Variants in VCP observed in about 807,000 individuals in gnomAD.
VCP encodes the protein transitional endoplasmic reticulum ATPase.
VCP carries 6 observed loss-of-function variants against 85.7 expected under a neutral mutation model. The ratio of observed to expected loss-of-function variants is 0.07; its 90% CI spans 0.04 to 0.14. The LOEUF is 0.14. VCP is among the 10% of genes least tolerant of loss of function. The pLI, the probability that VCP is intolerant of heterozygous loss-of-function variation, is 1.00. For missense variants in VCP, 353 were observed against 1,043.4 expected, an observed-to-expected ratio of 0.34 and a Z score of 9.12; for synonymous variants, 384 against 367.1, an observed-to-expected ratio of 1.05 and a Z score of -0.53.
At chr9:35,072,064 C>G (rs1370959263) in intron 1 of VCP, 1 of 1,270,884 alleles carries the variant, frequency 7.9e-7, no homozygotes, top group Non-Finnish European at 9.9e-7. Context: ...GGGAGCCAAT[C>G]GGGCGGGCCG....
chr9:35,064,147 T>C lies in VCP; in HGVS notation c.708+7A>G. 1 of 1,614,196 alleles carries C rather than the reference T, an allele frequency of 6.2e-7. No individual in the cohort carries two copies. The highest frequency in any genetic ancestry group is 8.5e-7 in the Non-Finnish European group (1 of 1,180,018). ...TTAGACTTGATTCCAGAGCCCAGGATGCTCACCTTCACACCAATTGCCTTA... is the reference window on the plus strand; with the variant it reads ...TTAGACTTGATTCCAGAGCCCAGGACGCTCACCTTCACACCAATTGCCTTA... On this transcript the variant is annotated splice_region_variant and intron_variant, in intron 6 of 16. Coordinates refer to ENST00000358901, the MANE Select transcript of VCP (RefSeq NM_007126.5).
In VCP at chr9:35,066,939, G is replaced by A; in HGVS notation, c.303-122C>T. ...AAAAAGAAAAGGCAGGATGGCTTTA[G>A]GCGAAGAGAGGAAGGAGAACAGGGT... On this transcript the variant is annotated intron_variant, in intron 3 of 16. Coordinates refer to ENST00000358901, the MANE Select transcript of VCP (RefSeq NM_007126.5). The A allele has an allele frequency of 4.7e-6, 7 of 1,482,062 alleles. No homozygotes were observed. In the South Asian group the frequency reaches 8.0e-5, roughly 17 times the overall value. The allele number at this position is 1,482,062 out of a possible 1,614,324, so 91.8% of individuals were successfully genotyped here. A position where few individuals can be genotyped will look rare whatever the true frequency, so the allele number is the denominator to read the frequency against.
At position 35,072,389 on chromosome 9, in the gene VCP, C is replaced by A. The variant is rs1192561980; in HGVS notation, c.-36G>T. 2.0e-6 allele frequency: 3 copies of A among 1,472,890 alleles called. No individual in the cohort carries two copies. Among genetic ancestry groups the A allele is most frequent in the Non-Finnish European group, 2.7e-6 (3 of 1,118,258 alleles). The allele number at this position is 1,472,890 out of a possible 1,614,324, so 91.2% of individuals were successfully genotyped here. On this transcript the variant is annotated 5_prime_UTR_variant, in exon 1 of 17. Transcript: ENST00000358901. ...TCTCCCGGCCGGCGGCTGTGGCGGCCCGCGGGTAACGGCTACGAGCGGTGG... is the reference window on the plus strand; with the variant it reads ...TCTCCCGGCCGGCGGCTGTGGCGGCACGCGGGTAACGGCTACGAGCGGTGG...
intron 15 of VCP, 121 bp downstream of exon 15, chr9:35,058,943 T>C (rs1828666380): frequency 2.2e-6 from 3 of 1,378,566 alleles, no homozygotes; most frequent in Admixed American, 1.7e-5. Flanking sequence ...TGATGCCCTA[T>C]TAAAATTCTT....
At chr9:35,064,079 C>A in intron 6 of VCP, 75 bp downstream of exon 6, 2 of 1,609,424 alleles carry the variant, frequency 1.2e-6, no homozygotes, top group Non-Finnish European at 1.7e-6. Context: ...TGAAAACAGT[C>A]CCAGGATTAG....
intron 7 of VCP, among the ~76,000 whole-genome samples, chr9:35,062,739 C>T (rs1828750353): frequency 6.6e-6 from 1 of 152,180 alleles, no homozygotes; most frequent in Admixed American, 6.5e-5. Context: ...CTCATTCTAG[C>T]TTGCTCCCGC....
chr9:35,072,049 T>G, intron 1 of VCP: 1 of 1,245,728 alleles, frequency 8.0e-7, no homozygotes, highest in Non-Finnish European at 1.0e-6. Context: ...AGACGTCCGT[T>G]CTAAGGGAGC....
At position 35,062,385 on chromosome 9, in the gene VCP, G is replaced by A. The variant is rs376894472; in HGVS notation, c.812-35C>T. 29 of 1,613,654 alleles carry A rather than the reference G, an allele frequency of 1.8e-5. No individual in the cohort carries two copies. The African/African-American group carries it at 3.7e-4, about 21-fold the overall frequency. On this transcript the variant is annotated intron_variant, in intron 7 of 16. Coordinates refer to ENST00000358901, the MANE Select transcript of VCP (RefSeq NM_007126.5). ...TACAGAATGGAGACAATAACAAAAT[G>A]ATAGTCTTTCCCAATTCCTCCCAAA...
intron 2 of VCP, 23 bp downstream of exon 2, chr9:35,068,228 A>C: frequency 1.9e-6 from 3 of 1,611,548 alleles, no homozygotes; most frequent in Non-Finnish European, 2.5e-6. Context: ...GTAAGGAAAG[A>C]CTAGTCTGTG....
In VCP at chr9:35,060,384, T is replaced by C; in HGVS notation, c.1624A>G (p.Ile542Val). Residue 542 changes from isoleucine to valine, a missense_variant, in exon 13 of 17, where the codon ATC becomes GTC. Ile to Val is a conservative substitution (Grantham distance 29, BLOSUM62 3). Coordinates refer to ENST00000358901, the MANE Select transcript of VCP (RefSeq NM_007126.5). ...ATGGTGAGCAGCTCAGGACCCTTGA[T>C]GGAGATGAAGTTGGCCTGGCATTCA... is the stretch of plus-strand genomic sequence containing the variant. The part of the protein sequence containing the change: ...ANECQANFIS[I>V]KGPELLTMWF... 1 of 1,614,208 alleles carries C rather than the reference T, an allele frequency of 6.2e-7. No individual in the cohort carries two copies. The highest frequency in any genetic ancestry group is 1.3e-5 in the African/African-American group (1 of 75,052).
chr9:35,069,199 C>T (rs775975307), intron 1 of VCP, among the ~76,000 whole-genome samples: 5 of 152,180 alleles, frequency 3.3e-5, no homozygotes, highest in Admixed American at 6.5e-5. Context: ...GGCTCAAGGT[C>T]AAAAGGAACT....
At chr9:35,064,039 C>T in intron 6 of VCP, 115 bp downstream of exon 6, 2 of 1,541,040 alleles carry the variant, frequency 1.3e-6, no homozygotes, top group Non-Finnish European at 1.8e-6. Flanking sequence ...TATTGCCCCT[C>T]TAATCCAAGG....
intron 15 of VCP, 27 bp from the exon 16 acceptor site, chr9:35,057,557 G>C (rs775020335): frequency 7.5e-6 from 12 of 1,603,726 alleles, no homozygotes; most frequent in African/African-American, 2.7e-5. Context: ...CAGATCACTA[G>C]GGCTAGTTAA....
At chr9:35,060,731 C>T (rs1828705158) in intron 12 of VCP, 70 bp downstream of exon 12, 1 of 1,612,170 alleles carries the variant, frequency 6.2e-7, no homozygotes, top group Non-Finnish European at 8.5e-7. Context: ...AATGTGTTGA[C>T]ACCCTGAGAT....
rs1364666756 is a variant in VCP at position 35,065,284 on chromosome 9, C to T, written c.543G>A (p.Val181=). The stretch of plus-strand genomic sequence containing the variant: ...TGATAGGCTCCCCTTCGCAGTGGAT[C>T]ACTGTGTCTGGAGCAACAATGCAAT... ...SPYCIVAPDT[V]IHCEGEPIKR... The change falls in exon 5 of 17, where the codon GTG becomes GTA. Residue 181 remains valine (V), a synonymous_variant. Transcript: ENST00000358901. 1.9e-6 allele frequency: 3 copies of T among 1,614,210 alleles called. No homozygotes were observed. Among genetic ancestry groups the T allele is most frequent in the East Asian group, 4.5e-5 (2 of 44,878 alleles).
At chr9:35,066,610 G>T (rs989169430) in intron 4 of VCP, 65 bp downstream of exon 4, 3 of 1,549,124 alleles carry the variant, frequency 1.9e-6, no homozygotes, top group African/African-American at 1.4e-5. Context: ...AAGAAAATGA[G>T]ATAAAGATGT....
chr9:35,059,035 G>C lies in VCP; in HGVS notation c.2160+29C>G. The C allele has an allele frequency of 1.9e-6, 3 of 1,612,938 alleles. No homozygotes were observed. The South Asian group carries it at 3.3e-5, about 18-fold the overall frequency. On this transcript the variant is annotated intron_variant, in intron 15 of 16. Coordinates refer to ENST00000358901, the MANE Select transcript of VCP (RefSeq NM_007126.5). This position sits in a 1 kb window ranked among gnomAD's most constrained non-coding sequence, Gnocchi z 4.9. ...GCTGCTGCCTGGCTCTCCATGATTG[G>C]CACATCTGGGGAAAGGATGCAGACT...
rs1265861264 is a variant in VCP at position 35,062,363 on chromosome 9, A to G, written c.812-13T>C. On this transcript the variant is annotated splice_polypyrimidine_tract_variant and intron_variant, in intron 7 of 16. Coordinates refer to ENST00000358901, the MANE Select transcript of VCP (RefSeq NM_007126.5). ...ATGATCTCAGGACCTGAAAGGATAC[A>G]GAATGGAGACAATAACAAAATGATA... is the stretch of plus-strand genomic sequence containing the variant. 1 of 1,614,138 alleles carries G rather than the reference A, an allele frequency of 6.2e-7. No individual in the cohort carries two copies. The highest frequency in any genetic ancestry group is 1.1e-5 in the South Asian group (1 of 91,076).
At chr9:35,069,391 T>C (rs966441423) in intron 1 of VCP, among the ~76,000 whole-genome samples, 2 of 151,558 alleles carry the variant, frequency 1.3e-5, no homozygotes, top group Non-Finnish European at 2.9e-5. Context: ...CACCAACTTA[T>C]TACCTAGCCC....
Sources: gnomAD v4.1 joint callset for allele counts (sites outside exome capture counted in the v4.1 genomes callset) on GRCh38, gnomAD v4.1.1 for gene constraint, Gnocchi (gnomAD v3.1) non-coding constraint, MANE v1.5 for transcripts, NCBI Gene and HGNC (gene_info 2026-07-23, HGNC 2026-07-21) for gene names.